The following RBFOX1 variants were observed in gnomAD, a reference collection of about 807,000 sequenced individuals.
RBFOX1 encodes the protein RNA binding protein fox-1 homolog 1.
Under a neutral mutation model 57.7 loss-of-function variants are expected in RBFOX1, and 8 were observed. That is an observed-to-expected ratio of 0.14 (90% CI 0.08 to 0.25). RBFOX1 has a LOEUF of 0.25. Ranked by LOEUF, RBFOX1 falls within the 10% of genes least tolerant of loss-of-function variation. The pLI is 1.00. For synonymous variants in RBFOX1, 326 were observed against 222.4 expected, an observed-to-expected ratio of 1.47 and a Z score of -4.15; for missense variants, 611 against 548.5, an observed-to-expected ratio of 1.11 and a Z score of -1.14.
intron 3 of RBFOX1, among the ~76,000 whole-genome samples, chr16:6,890,889 G>C (rs1428720141): frequency 6.6e-6 from 1 of 152,278 alleles, no homozygotes; most frequent in East Asian, 1.9e-4. Flanking sequence ...TGAAGTCAGG[G>C]GTATGAAGTG....
chr16:5,439,040 G>GC (rs2068003354), intron 1 of RBFOX1, among the ~76,000 whole-genome samples: 2 of 148,964 alleles, frequency 1.3e-5, no homozygotes, highest in South Asian at 2.2e-4. Flanking sequence ...AATGGGGGGG[G>GC]GGGCATAGTG....
intron 2 of RBFOX1, among the ~76,000 whole-genome samples, chr16:6,566,957 C>G (rs111919081): frequency 1.2e-3 from 187 of 152,260 alleles, no homozygotes; most frequent in African/African-American, 4.4e-3. Context: ...AATTTACAGA[C>G]TCTAAGTTAA....
chr16:7,250,407 C>A (rs1157882334), intron 4 of RBFOX1, among the ~76,000 whole-genome samples: 1 of 152,178 alleles, frequency 6.6e-6, no homozygotes, highest in Non-Finnish European at 1.5e-5. Context: ...AAAGCCATTT[C>A]TTCATTTGTG....
chr16:7,481,059 A>T (rs1424082981), intron 4 of RBFOX1, among the ~76,000 whole-genome samples: 2 of 152,156 alleles, frequency 1.3e-5, no homozygotes, highest in Non-Finnish European at 2.9e-5. Context: ...CTGGGCTTGA[A>T]TTCTAGCTCT....
chr16:7,125,392 C>G (rs1414407141), intron 4 of RBFOX1, among the ~76,000 whole-genome samples: 1 of 152,140 alleles, frequency 6.6e-6, no homozygotes, highest in Non-Finnish European at 1.5e-5. Context: ...TGGTTGATAC[C>G]TTGTCACTAG....
intron 3 of RBFOX1, among the ~76,000 whole-genome samples, chr16:7,024,270 G>C (rs1239006509): frequency 6.6e-6 from 1 of 152,112 alleles, no homozygotes; most frequent in Admixed American, 6.5e-5. Flanking sequence ...AGACATGGTG[G>C]CTTTGACAAA....
chr16:7,424,226 T>C (rs1850402393), intron 4 of RBFOX1, among the ~76,000 whole-genome samples: 2 of 152,218 alleles, frequency 1.3e-5, no homozygotes, highest in South Asian at 2.1e-4. Context: ...CCATGAATTT[T>C]ATTTGTGTAA....
At chr16:7,463,491 G>A (rs2059943175) in intron 4 of RBFOX1, among the ~76,000 whole-genome samples, 1 of 152,152 alleles carries the variant, frequency 6.6e-6, no homozygotes, top group Non-Finnish European at 1.5e-5. Flanking sequence ...GCGACAGAGT[G>A]AGACTTGGTC....
At chr16:6,424,535 T>C (rs111444177) in intron 2 of RBFOX1, among the ~76,000 whole-genome samples, 1,695 of 152,236 alleles carry the variant, frequency 0.011, 38 homozygotes, top group African/African-American at 0.037. Context: ...CAGCCCTCAC[T>C]TTAAAGAATT....
chr16:5,788,207 T>C (rs2054573914), intron 3 of RBFOX1, among the ~76,000 whole-genome samples: 1 of 152,146 alleles, frequency 6.6e-6, no homozygotes, highest in Non-Finnish European at 1.5e-5. Flanking sequence ...TGGCCGGTAG[T>C]TTATTTACCC....
intron 2 of RBFOX1, among the ~76,000 whole-genome samples, chr16:6,379,192 C>T (rs922579467): frequency 1.3e-5 from 2 of 152,042 alleles, no homozygotes; most frequent in East Asian, 1.9e-4. Context: ...TTTTGGGCCC[C>T]TGTAGAAGAC....
chr16:6,317,401 GA>G (rs2081246245), intron 2 of RBFOX1, among the ~76,000 whole-genome samples: 3 of 152,034 alleles, frequency 2.0e-5, no homozygotes, highest in Non-Finnish European at 1.5e-5. Context: ...TCCCCCTTCT[GA>G]GTCACATGAC....
intron 3 of RBFOX1, among the ~76,000 whole-genome samples, chr16:6,793,874 T>C (rs1242423830): frequency 1.3e-5 from 2 of 152,110 alleles, no homozygotes; most frequent in African/African-American, 4.8e-5. Context: ...AAATGAGTTT[T>C]TTTAAAAAGG....
chr16:5,354,949 C>T (rs1169873157), intron 1 of RBFOX1, among the ~76,000 whole-genome samples: 4 of 151,792 alleles, frequency 2.6e-5, no homozygotes, highest in Admixed American at 1.3e-4. Context: ...TTAAGGGTCC[C>T]GTGGCTTGGT....
intron 4 of RBFOX1, among the ~76,000 whole-genome samples, chr16:7,455,764 G>C (rs11642899): frequency 0.43 from 57,199 of 132,582 alleles, 11,704 homozygotes; most frequent in Non-Finnish European, 0.46. Context: ...TCCAGCCTGG[G>C]AACAGAATGA....
intron 4 of RBFOX1, among the ~76,000 whole-genome samples, chr16:7,472,605 C>A (rs981935930): frequency 1.3e-5 from 2 of 152,196 alleles, no homozygotes; most frequent in African/African-American, 4.8e-5. Flanking sequence ...CTTCTGTCCC[C>A]AGCAATTCAG....
chr16:7,256,415 G>C (rs1237364108), intron 4 of RBFOX1, among the ~76,000 whole-genome samples: 5 of 152,174 alleles, frequency 3.3e-5, no homozygotes, highest in African/African-American at 7.2e-5. Context: ...GCTGTCATGG[G>C]AGAAGCCTAC....
At chr16:6,949,033 A>T (rs561198495) in intron 3 of RBFOX1, among the ~76,000 whole-genome samples, 10 of 152,310 alleles carry the variant, frequency 6.6e-5, no homozygotes, top group African/African-American at 2.2e-4. Context: ...ATTCGACTCT[A>T]TGGAGTGTGA....
intron 2 of RBFOX1, among the ~76,000 whole-genome samples, chr16:5,579,999 G>A (rs1410346566): frequency 6.6e-6 from 1 of 152,084 alleles, no homozygotes; most frequent in African/African-American, 2.4e-5. Flanking sequence ...TTGAACCCCT[G>A]ACCTCAGGTG....
Sources: gnomAD v4.1 joint callset for allele counts (sites outside exome capture counted in the v4.1 genomes callset) on GRCh38, gnomAD v4.1.1 for gene constraint, MANE v1.5 for transcripts, NCBI Gene and HGNC (gene_info 2026-07-23, HGNC 2026-07-21) for gene names.